Variants in LRRC4C observed in about 807,000 individuals in gnomAD.
LRRC4C encodes leucine rich repeat containing 4C, also known as leucine-rich repeat-containing protein 4C.
A neutral mutation model predicts 33.6 loss-of-function variants in LRRC4C; 5 were observed. The ratio of observed to expected loss-of-function variants is 0.15; its 90% CI spans 0.08 to 0.31. The LOEUF (loss-of-function observed/expected upper bound fraction) is 0.31, where lower values mean the gene tolerates loss of function less well. Ranked by LOEUF, LRRC4C falls within the 10% of genes least tolerant of loss-of-function variation. The probability of loss-of-function intolerance (pLI) is 1.00; values close to 1 mark genes in which losing one functional copy is unlikely to be tolerated. For synonymous variants in LRRC4C, 329 were observed against 302.0 expected (o/e 1.09, Z -0.93); for missense variants, 560 against 796.7 (o/e 0.70, Z 3.58).
chr11:41,137,349 A>C (rs1943311230), intron 1 of LRRC4C, among the ~76,000 whole-genome samples: 1 of 152,160 alleles, frequency 6.6e-6, no homozygotes, highest in Non-Finnish European at 1.5e-5. Context: ...TATACCCAGG[A>C]TGGATAAGGA....
chr11:41,437,411 A>ACG (rs781578463), intron 1 of LRRC4C, among the ~76,000 whole-genome samples: 30 of 147,940 alleles, frequency 2.0e-4, no homozygotes, highest in Admixed American at 6.0e-4. Context: ...ACACACACAA[A>ACG]CGCGCGCGCG....
intron 3 of LRRC4C, among the ~76,000 whole-genome samples, chr11:40,537,233 A>G (rs745318060): frequency 4.6e-5 from 7 of 152,174 alleles, no homozygotes; most frequent in Admixed American, 3.9e-4. Context: ...AGAGTCTGTG[A>G]TGATTCCATC....
At chr11:41,076,545 A>G (rs1273364434) in intron 1 of LRRC4C, among the ~76,000 whole-genome samples, 1 of 152,180 alleles carries the variant, frequency 6.6e-6, no homozygotes, top group African/African-American at 2.4e-5. Flanking sequence ...GAACTCTCTC[A>G]ATTATCGCAA....
chr11:40,496,616 T>G (rs1407654051), intron 3 of LRRC4C, among the ~76,000 whole-genome samples: 1 of 152,038 alleles, frequency 6.6e-6, no homozygotes, highest in Non-Finnish European at 1.5e-5. Context: ...GGATCCCAAT[T>G]TATGGTTGTC....
chr11:40,684,554 A>G (rs1944862149), intron 2 of LRRC4C, among the ~76,000 whole-genome samples: 1 of 152,058 alleles, frequency 6.6e-6, no homozygotes, highest in East Asian at 1.9e-4. Context: ...ATCTTGGCAG[A>G]GTAATAAACA....
intron 1 of LRRC4C, among the ~76,000 whole-genome samples, chr11:41,393,636 A>C (rs1295540633): frequency 6.6e-6 from 1 of 151,966 alleles, no homozygotes; most frequent in Non-Finnish European, 1.5e-5. Context: ...GTTTCATTAC[A>C]GTTTCTGTAT....
intron 2 of LRRC4C, among the ~76,000 whole-genome samples, chr11:40,852,870 A>G (rs2135757594): frequency 1.3e-5 from 2 of 152,346 alleles, no homozygotes; most frequent in East Asian, 3.9e-4. Flanking sequence ...AAAACACTTA[A>G]CAAAAATATG....
At chr11:40,869,633 T>G (rs1298923603) in intron 2 of LRRC4C, among the ~76,000 whole-genome samples, 2 of 152,104 alleles carry the variant, frequency 1.3e-5, no homozygotes, top group Non-Finnish European at 2.9e-5. Flanking sequence ...CAAGTAAGCG[T>G]GTTTACAGCG....
At chr11:40,297,956 A>G (rs1944592814) in intron 4 of LRRC4C, among the ~76,000 whole-genome samples, 1 of 152,146 alleles carries the variant, frequency 6.6e-6, no homozygotes, top group African/African-American at 2.4e-5. Context: ...TGATTTGCTC[A>G]TGTCTATGTC....
chr11:40,796,805 C>T (rs1591746757), intron 2 of LRRC4C, among the ~76,000 whole-genome samples: 1 of 151,964 alleles, frequency 6.6e-6, no homozygotes, highest in South Asian at 2.1e-4. Context: ...CACCACGATG[C>T]CTGGCTAATT....
At chr11:40,380,216 C>T (rs1948812232) in intron 3 of LRRC4C, among the ~76,000 whole-genome samples, 1 of 152,066 alleles carries the variant, frequency 6.6e-6, no homozygotes, top group African/African-American at 2.4e-5. Flanking sequence ...ACAAGTGAAA[C>T]AGGCGTTCTA....
chr11:40,399,735 C>A (rs1949688803), intron 3 of LRRC4C, among the ~76,000 whole-genome samples: 1 of 151,972 alleles, frequency 6.6e-6, no homozygotes, highest in South Asian at 2.1e-4. Context: ...ACAAAAGTTA[C>A]AATGGTAACA....
At chr11:40,468,088 T>C (rs1952742227) in intron 3 of LRRC4C, among the ~76,000 whole-genome samples, 1 of 152,210 alleles carries the variant, frequency 6.6e-6, no homozygotes, top group African/African-American at 2.4e-5. Flanking sequence ...TATGTGACTT[T>C]GCTCCTCCAT....
rs1306901849 is a variant in LRRC4C at position 40,269,037 on chromosome 11, T to G, written c.-175-27439A>C. Among the ~76,000 whole-genome samples the G allele has an allele frequency of 2.0e-5, 3 of 152,216 alleles. No homozygotes were observed. In the South Asian group the frequency reaches 6.2e-4, roughly 31 times the overall value. Reference sequence around the variant, plus strand: ...AGCCAATATTGGTACTTAAAGCCTCTGTGTTTTAGATAGAACCTTAGCTTA... The same window carrying G: ...AGCCAATATTGGTACTTAAAGCCTCGGTGTTTTAGATAGAACCTTAGCTTA... On this transcript the variant is annotated intron_variant, in intron 4 of 6. Coordinates refer to ENST00000528697, the MANE Select transcript of LRRC4C (RefSeq NM_001258419.2).
intron 4 of LRRC4C, among the ~76,000 whole-genome samples, chr11:40,258,101 G>A (rs1328062029): frequency 6.6e-6 from 1 of 152,036 alleles, no homozygotes; most frequent in Non-Finnish European, 1.5e-5. Flanking sequence ...AAATTCACCA[G>A]TATGTTTTAT....
intron 6 of LRRC4C, among the ~76,000 whole-genome samples, chr11:40,134,721 C>A (rs967594418): frequency 6.6e-6 from 1 of 152,184 alleles, no homozygotes; most frequent in African/African-American, 2.4e-5. Flanking sequence ...CTCTGGAATC[C>A]TTAATATGTG....
intron 1 of LRRC4C, among the ~76,000 whole-genome samples, chr11:41,059,210 G>GTTTT (rs397935483): frequency 4.8e-5 from 6 of 125,194 alleles, no homozygotes; most frequent in Admixed American, 3.6e-4. Context: ...TAAAATAAAA[G>GTTTT]TTTTTTTTTT....
At chr11:40,294,150 G>A (rs535776144) in intron 4 of LRRC4C, 2 of 152,122 alleles carry the variant, frequency 1.3e-5, no homozygotes, top group South Asian at 4.2e-4. Flanking sequence ...CTTGTGATCA[G>A]TAAAATACAA....
At chr11:40,653,180 C>A (rs1357597622) in intron 2 of LRRC4C, among the ~76,000 whole-genome samples, 1 of 152,094 alleles carries the variant, frequency 6.6e-6, no homozygotes, top group East Asian at 1.9e-4. Context: ...GAGTTCGGTG[C>A]TGATATAAAG....
Sources: gnomAD v4.1 joint callset for allele counts (sites outside exome capture counted in the v4.1 genomes callset) on GRCh38, gnomAD v4.1.1 for gene constraint, MANE v1.5 for transcripts, NCBI Gene and HGNC (gene_info 2026-07-23, HGNC 2026-07-21) for gene names.